The following VPS8 variants were observed in gnomAD, a reference collection of about 807,000 sequenced individuals.
VPS8 encodes the protein VPS8 subunit of CORVET complex, also known as vacuolar protein sorting-associated protein 8 homolog.
Under a neutral mutation model 216.4 loss-of-function variants are expected in VPS8, and 129 were observed. The ratio of observed to expected loss-of-function variants is 0.60; its 90% CI spans 0.52 to 0.69. The LOEUF (loss-of-function observed/expected upper bound fraction) is 0.69. Among genes scored for constraint, VPS8 ranks in the 30% least tolerant of loss-of-function variants. The pLI, the probability that VPS8 is intolerant of heterozygous loss-of-function variation, is 0.00. For synonymous variants in VPS8, 571 were observed against 565.4 expected (o/e 1.01, Z -0.14); for missense variants, 1,531 against 1,683.5 (o/e 0.91, Z 1.59).
Position 184,971,718 on chromosome 3 carries a change from G to A in VPS8, c.3386G>A (p.Arg1129Lys). Reference sequence around the variant, plus strand: ...GTGGAGACCATTGCTCTTTGCCAGAGAAATTCACATAATTTGAACCAGCAG... The same window carrying A: ...GTGGAGACCATTGCTCTTTGCCAGAAAAATTCACATAATTTGAACCAGCAG... ...TMVETIALCQRNSHNLNQQQR... is the reference protein window; with the variant it reads ...TMVETIALCQKNSHNLNQQQR... Residue 1129 changes from arginine (R) to lysine (K), a missense_variant, in exon 40 of 48, where the codon AGA becomes AAA. By Grantham distance (26) the Arg-to-Lys change is conservative (BLOSUM62 2). This residue lies in a region of VPS8 where 1,318 missense variants were observed against 1,468.4 expected (regional missense o/e 0.90). Coordinates refer to ENST00000625842, the MANE Select transcript of VPS8 (RefSeq NM_001009921.3). 1 of 1,613,426 alleles carries A rather than the reference G, an allele frequency of 6.2e-7. No individual in the cohort carries two copies. The highest frequency in any genetic ancestry group is 8.5e-7 in the Non-Finnish European group (1 of 1,179,538).
chr3:184,998,691 C>T (rs1404623156), intron 44 of VPS8, among the ~76,000 whole-genome samples: 2 of 150,156 alleles, frequency 1.3e-5, no homozygotes, highest in Non-Finnish European at 3.0e-5. Flanking sequence ...CAGTACTCAA[C>T]TTCTGGGAGG....
At chr3:185,040,095 C>T (rs80119502) in intron 46 of VPS8, among the ~76,000 whole-genome samples, 1 of 152,148 alleles carries the variant, frequency 6.6e-6, no homozygotes, top group African/African-American at 2.4e-5. Context: ...TGACAAATCA[C>T]TCACCTCCCA....
At chr3:185,014,604 A>T (rs778482952) in intron 45 of VPS8, among the ~76,000 whole-genome samples, 29 of 152,318 alleles carry the variant, frequency 1.9e-4, no homozygotes, top group Non-Finnish European at 2.8e-4. Flanking sequence ...TCAGCTGCTG[A>T]TAGCATCTGG....
chr3:184,819,106 T>C (rs1716979873), intron 1 of VPS8, among the ~76,000 whole-genome samples: 2 of 152,228 alleles, frequency 1.3e-5, no homozygotes, highest in Admixed American at 1.3e-4. Context: ...GCTGTTTATA[T>C]GGCGCATATC....
intron 3 of VPS8, among the ~76,000 whole-genome samples, chr3:184,832,168 G>C (rs1015266097): frequency 2.6e-5 from 4 of 152,036 alleles, no homozygotes; most frequent in African/African-American, 9.7e-5. Flanking sequence ...ATATCCTCCA[G>C]ACATTTTGGA....
chr3:185,007,465 TTG>T (rs1561089945), intron 45 of VPS8, among the ~76,000 whole-genome samples: 1 of 152,252 alleles, frequency 6.6e-6, no homozygotes, highest in Non-Finnish European at 1.5e-5. Context: ...TTGCTATTAA[TTG>T]TTTAAAAAAT....
At chr3:184,830,928 A>C (rs1348263273) in intron 3 of VPS8, among the ~76,000 whole-genome samples, 1 of 152,228 alleles carries the variant, frequency 6.6e-6, no homozygotes, top group Non-Finnish European at 1.5e-5. Flanking sequence ...CTAAAGACAC[A>C]GATTTTGGAG....
intron 38 of VPS8, 83 bp downstream of exon 38, chr3:184,964,640 G>C: frequency 1.2e-6 from 1 of 827,026 alleles, no homozygotes; most frequent in South Asian, 3.2e-5. Context: ...ATGTTTCAAA[G>C]CCAGTTGCAG....
intron 28 of VPS8, among the ~76,000 whole-genome samples, chr3:184,918,440 A>C (rs1259835786): frequency 1.3e-5 from 2 of 152,224 alleles, no homozygotes; most frequent in African/African-American, 4.8e-5. Context: ...CCTCTAGTAA[A>C]CATCCATAAT....
In VPS8 at chr3:184,857,600, T is replaced by C. The variant is rs561511532; in HGVS notation, c.1143+1782T>C. On this transcript the variant is annotated intron_variant, in intron 14 of 47. Coordinates refer to ENST00000625842, the MANE Select transcript of VPS8 (RefSeq NM_001009921.3). Reference sequence around the variant, plus strand: ...AGAGAAAAACCTTTAATGTTTCTCCTCCCTTCTGTGTGTATTCTTTTTGCT... The same window carrying C: ...AGAGAAAAACCTTTAATGTTTCTCCCCCCTTCTGTGTGTATTCTTTTTGCT... Among the ~76,000 whole-genome samples the C allele has an allele frequency of 9.3e-4, 142 of 152,342 alleles. 1 individual carries two copies. The highest frequency in any genetic ancestry group is 1.7e-3 in the Non-Finnish European group (115 of 68,028).
intron 25 of VPS8, among the ~76,000 whole-genome samples, chr3:184,904,061 A>G (rs1037325739): frequency 5.9e-5 from 9 of 152,198 alleles, no homozygotes; most frequent in African/African-American, 2.2e-4. Context: ...GGTGTGAAAT[A>G]GATTGACTTT....
At chr3:184,824,512 G>GTTTTGT in intron 1 of VPS8, 33 bp from the exon 2 acceptor site, 2 of 1,058,852 alleles carry the variant, frequency 1.9e-6, no homozygotes, top group Non-Finnish European at 2.7e-6. Context: ...ATAGTGTTTT[G>GTTTTGT]TTTTGTTTTT....
At chr3:184,860,917 G>C (rs1726240122) in intron 15 of VPS8, among the ~76,000 whole-genome samples, 1 of 151,736 alleles carries the variant, frequency 6.6e-6, no homozygotes, top group South Asian at 2.1e-4. Context: ...CGCCTCCCAG[G>C]TTCAAGCAAT....
chr3:184,916,195 A>G (rs1026976911), intron 28 of VPS8, among the ~76,000 whole-genome samples: 1 of 152,242 alleles, frequency 6.6e-6, no homozygotes, highest in Non-Finnish European at 1.5e-5. Flanking sequence ...AAACACCTTT[A>G]TACGTGTTCA....
intron 22 of VPS8, among the ~76,000 whole-genome samples, chr3:184,888,619 G>A (rs948459409): frequency 1.3e-5 from 2 of 152,148 alleles, no homozygotes. Context: ...TAAATACAGT[G>A]TAAAGAGAGA....
chr3:184,988,338 T>G (rs909664728), intron 42 of VPS8, among the ~76,000 whole-genome samples: 2 of 152,224 alleles, frequency 1.3e-5, no homozygotes, highest in Non-Finnish European at 1.5e-5. Context: ...GTGTTAATTT[T>G]GGGGGAAAAT....
intron 40 of VPS8, among the ~76,000 whole-genome samples, chr3:184,978,879 A>T (rs749731883): frequency 6.6e-6 from 1 of 151,952 alleles, no homozygotes; most frequent in African/African-American, 2.4e-5. Context: ...TAGTTCCTCT[A>T]AGTGTGATGT....
chr3:184,914,912 A>G, intron 26 of VPS8, 69 bp from the exon 27 acceptor site: 11 of 1,444,522 alleles, frequency 7.6e-6, no homozygotes, highest in Non-Finnish European at 1.1e-5. Flanking sequence ...TTTGAGAAAC[A>G]ATGTGTTACT....
At chr3:184,888,352 G>C (rs565042292) in intron 22 of VPS8, among the ~76,000 whole-genome samples, 13 of 152,130 alleles carry the variant, frequency 8.5e-5, no homozygotes, top group African/African-American at 3.1e-4. Context: ...ATTTCTTTCC[G>C]GTGTTAGGGC....
Sources: gnomAD v4.1 joint callset for allele counts (sites outside exome capture counted in the v4.1 genomes callset) on GRCh38, gnomAD v4.1.1 for gene constraint, gnomAD v4.1.1 regional missense constraint, MANE v1.5 for transcripts, NCBI Gene and HGNC (gene_info 2026-07-23, HGNC 2026-07-21) for gene names.